The following SNAP91 variants were observed in gnomAD, a reference collection of about 807,000 sequenced individuals.
The protein encoded by SNAP91 is synaptosome associated protein 91, also known as clathrin coat assembly protein AP180.
A neutral mutation model predicts 100.3 loss-of-function variants in SNAP91; 27 were observed. The ratio of observed to expected loss-of-function variants is 0.27; its 90% confidence interval spans 0.20 to 0.37. SNAP91 has a LOEUF of 0.37. Ranked by LOEUF, SNAP91 falls within the 10% of genes least tolerant of loss-of-function variation. The pLI, the probability that SNAP91 is intolerant of heterozygous loss-of-function variation, is 1.00. For missense variants in SNAP91, 986 were observed against 1,123.7 expected (o/e 0.88, Z 1.75); for synonymous variants, 404 against 398.6 (o/e 1.01, Z -0.16).
chr6:83,564,018 A>G (rs1460747557), intron 26 of SNAP91, among the ~76,000 whole-genome samples: 1 of 152,178 alleles, frequency 6.6e-6, no homozygotes, highest in Admixed American at 6.5e-5. Flanking sequence ...AAATTTATAT[A>G]AAAATGCAAG....
chr6:83,582,211 C>A lies in SNAP91; in HGVS notation c.2149+11G>T. 1 of 1,612,456 alleles carries A rather than the reference C, an allele frequency of 6.2e-7. No individual in the cohort carries two copies. Among genetic ancestry groups the A allele is most frequent in the South Asian group, 1.1e-5 (1 of 90,792 alleles). ...ACACATGAAAAGAATGTTTGAAAGT[C>A]ACTGCCTCACCTGATGGATCAAAGG... On this transcript the variant is annotated intron_variant, in intron 23 of 29. Coordinates refer to ENST00000369694, the MANE Select transcript of SNAP91 (RefSeq NM_001242792.2).
At chr6:83,699,213 A>G (rs1289864832) in intron 2 of SNAP91, among the ~76,000 whole-genome samples, 2 of 152,188 alleles carry the variant, frequency 1.3e-5, no homozygotes, top group Non-Finnish European at 2.9e-5. Flanking sequence ...ATGATTGAAC[A>G]TCAGGCAAAA....
chr6:83,655,329 T>G (rs1370519531), intron 7 of SNAP91, among the ~76,000 whole-genome samples: 2 of 152,214 alleles, frequency 1.3e-5, no homozygotes, highest in East Asian at 1.9e-4. Context: ...GCATCTGGTA[T>G]AGTGTCACAT....
chr6:83,562,359 C>T (rs1481274569), intron 26 of SNAP91, among the ~76,000 whole-genome samples: 1 of 152,026 alleles, frequency 6.6e-6, no homozygotes, highest in Admixed American at 6.6e-5. Context: ...CCCAGGAATG[C>T]AAGGTTGGCT....
chr6:83,610,633 CA>C lies in SNAP91; in HGVS notation c.912+16del. ...AAAACAAAAAACAAAAACCCCCAAA[CA>C]AAAAACCAAACTTACCTTACTTAAT... On this transcript the variant is annotated intron_variant, in intron 12 of 29. Coordinates refer to ENST00000369694, the MANE Select transcript of SNAP91 (RefSeq NM_001242792.2). 2 of 581,736 alleles carry C rather than the reference CA, an allele frequency of 3.4e-6. No homozygotes were observed. The highest frequency in any genetic ancestry group is 2.2e-5 in the South Asian group (1 of 44,832). The allele number at this position is 581,736 out of a possible 1,614,324, so 36.0% of individuals were successfully genotyped here.
At chr6:83,630,154 T>A (rs998538505) in intron 8 of SNAP91, among the ~76,000 whole-genome samples, 4 of 152,166 alleles carry the variant, frequency 2.6e-5, no homozygotes, top group African/African-American at 9.7e-5. Context: ...GTATCACATT[T>A]ATTGACTTGC....
intron 8 of SNAP91, among the ~76,000 whole-genome samples, chr6:83,625,862 C>T (rs1003256360): frequency 1.3e-5 from 2 of 152,006 alleles, no homozygotes; most frequent in African/African-American, 2.4e-5. Context: ...TTTTGCTGTG[C>T]AGCTCTTTAA....
intron 8 of SNAP91, among the ~76,000 whole-genome samples, chr6:83,636,268 T>C (rs1019296934): frequency 2.0e-5 from 3 of 152,198 alleles, no homozygotes; most frequent in African/African-American, 7.2e-5. Context: ...TTCTCCAAGT[T>C]GCTCACTCTC....
chr6:83,610,108 A>C (rs1324165667), intron 12 of SNAP91, among the ~76,000 whole-genome samples: 1 of 152,132 alleles, frequency 6.6e-6, no homozygotes, highest in East Asian at 1.9e-4. Flanking sequence ...ACTTCTGGGT[A>C]TATACCCCCA....
At position 83,674,399 on chromosome 6, in the gene SNAP91, A is replaced by C. The variant is rs1209624605; in HGVS notation, c.131-8818T>G. ...CTGTGAGTGGAGATAGTGCCACTGC[A>C]CTCCAGCCCGGGCGACAGAGCAAGA... On this transcript the variant is annotated intron_variant, in intron 2 of 29. Transcript: ENST00000369694. 1.1e-4 allele frequency among the ~76,000 whole-genome samples: 16 copies of C among 152,024 alleles called. 1 individual carries two copies. The highest frequency in any genetic ancestry group is 9.8e-4 in the Admixed American group (15 of 15,252).
chr6:83,661,699 A>G, intron 4 of SNAP91, 95 bp from the exon 5 acceptor site: 1 of 636,910 alleles, frequency 1.6e-6, no homozygotes, highest in Non-Finnish European at 2.7e-6. Flanking sequence ...CTAAATGGTG[A>G]TAGTCCTAGG....
chr6:83,665,097 ATAAATG>A (rs1196556759), intron 3 of SNAP91, among the ~76,000 whole-genome samples: 1 of 152,140 alleles, frequency 6.6e-6, no homozygotes, highest in Non-Finnish European at 1.5e-5. Flanking sequence ...AGAGTACAGT[ATAAATG>A]TAAATGTAAC....
At chr6:83,601,211 T>C in intron 16 of SNAP91, 60 bp downstream of exon 16, 4 of 1,570,480 alleles carry the variant, frequency 2.5e-6, no homozygotes, top group Non-Finnish European at 3.5e-6. Context: ...TTAAAGACCT[T>C]AACTCCCAAG....
intron 9 of SNAP91, among the ~76,000 whole-genome samples, chr6:83,622,037 A>C (rs1029675984): frequency 6.6e-6 from 1 of 152,092 alleles, no homozygotes; most frequent in Non-Finnish European, 1.5e-5. Flanking sequence ...ATATCTAATA[A>C]AGAGATTTTT....
intron 24 of SNAP91, 58 bp downstream of exon 24, chr6:83,580,392 A>G: frequency 6.5e-7 from 1 of 1,534,672 alleles, no homozygotes; most frequent in East Asian, 2.3e-5. Context: ...AGAGAGAAAC[A>G]AAAAACAATT....
chr6:83,680,040 T>C (rs1333420427), intron 2 of SNAP91, among the ~76,000 whole-genome samples: 1 of 152,158 alleles, frequency 6.6e-6, no homozygotes, highest in Non-Finnish European at 1.5e-5. Context: ...AATATCTCTT[T>C]ATAGCTCTCA....
intron 8 of SNAP91, among the ~76,000 whole-genome samples, chr6:83,627,410 GT>G (rs1395351446): frequency 1.3e-5 from 2 of 152,022 alleles, no homozygotes; most frequent in African/African-American, 4.8e-5. Context: ...CATTGAAATA[GT>G]TTCAGTAGAA....
chr6:83,678,263 T>C (rs974327117), intron 2 of SNAP91, among the ~76,000 whole-genome samples: 4 of 152,156 alleles, frequency 2.6e-5, no homozygotes, highest in Admixed American at 2.6e-4. Flanking sequence ...TTGGTTAACT[T>C]ACCATCTCCC....
In SNAP91 at chr6:83,653,989, G is replaced by T. The variant is rs185682528; in HGVS notation, c.658+2765C>A. Among the ~76,000 whole-genome samples, 35 of 152,248 alleles carry T rather than the reference G, an allele frequency of 2.3e-4. No homozygotes were observed. In the East Asian group the frequency reaches 4.4e-3, roughly 19 times the overall value. ...CCTTCTTAAGGACAAGAGTGCTCTG[G>T]CATATTTCAAAATGGTTCCTTTTCT... On this transcript the variant is annotated intron_variant, in intron 7 of 29. Transcript: ENST00000369694.
Sources: allele counts gnomAD v4.1 joint callset (sites outside exome capture counted in the v4.1 genomes callset), GRCh38; gene constraint gnomAD v4.1.1; transcripts MANE v1.5; gene names NCBI Gene and HGNC (gene_info 2026-07-23, HGNC 2026-07-21).